AASS: variants seen among roughly 807,000 people sequenced by gnomAD.
The protein encoded by AASS is aminoadipate-semialdehyde synthase.
Under a neutral mutation model 105.4 loss-of-function variants are expected in AASS, and 86 were observed. That is an observed-to-expected ratio of 0.82 (90% CI 0.69 to 0.98). The LOEUF is 0.98. Among genes scored for constraint, AASS ranks in the 50% least tolerant of loss-of-function variants. AASS has a pLI of 0.00. For synonymous variants in AASS, 381 were observed against 394.8 expected (o/e 0.96, Z 0.41); for missense variants, 1,048 against 1,143.2 (o/e 0.92, Z 1.20).
Position 122,133,530 on chromosome 7 carries a change from G to T in AASS, c.197C>A (p.Ala66Asp), listed in dbSNP as rs750935785. The T allele has an allele frequency of 6.2e-7, 1 of 1,614,058 alleles. No homozygotes were observed. Among genetic ancestry groups the T allele is most frequent in the South Asian group, 1.1e-5 (1 of 91,076 alleles). The change falls in exon 2 of 24, where the codon GCC becomes GAC. Residue 66 changes from alanine (A) to aspartate (D), a missense_variant. Coordinates refer to ENST00000417368, the MANE Select transcript of AASS (RefSeq NM_005763.4). ...KVLIQPSNRR[A>D]IHDKDYVKAG... ...GGAAATACTCACCTTATCATGAATG[G>T]CCCGCCGATTCGAAGGCTGTATCAA...
intron 18 of AASS, among the ~76,000 whole-genome samples, chr7:122,086,484 C>A (rs1793631138): frequency 6.7e-6 from 1 of 150,180 alleles, no homozygotes; most frequent in African/African-American, 2.5e-5. Context: ...CTAGAGTTTG[C>A]CTTTTTAAAA....
chr7:122,123,622 T>G (rs1795530844), intron 4 of AASS, among the ~76,000 whole-genome samples: 1 of 152,322 alleles, frequency 6.6e-6, no homozygotes, highest in East Asian at 1.9e-4. Context: ...TTCAGATTCT[T>G]GGTCACATCC....
intron 19 of AASS, chr7:122,082,716 A>T: frequency 1.3e-6 from 1 of 785,222 alleles, no homozygotes; most frequent in Non-Finnish European, 1.9e-6. Context: ...AAACTGTAGT[A>T]GAGTATTATA....
intron 11 of AASS, among the ~76,000 whole-genome samples, chr7:122,112,212 C>G (rs1400584094): frequency 6.6e-6 from 1 of 152,166 alleles, no homozygotes; most frequent in Non-Finnish European, 1.5e-5. Flanking sequence ...TTACCTAATA[C>G]GGTTTTCATG....
At chr7:122,084,092 G>A (rs1010432744) in intron 19 of AASS, among the ~76,000 whole-genome samples, 47 of 150,948 alleles carry the variant, frequency 3.1e-4, no homozygotes, top group African/African-American at 1.1e-3. Flanking sequence ...CTAACTGCTG[G>A]CCAAAAAAAA....
intron 1 of AASS, among the ~76,000 whole-genome samples, chr7:122,136,249 G>C (rs960269070): frequency 2.6e-5 from 4 of 152,100 alleles, no homozygotes; most frequent in African/African-American, 9.7e-5. Flanking sequence ...ACATTTCCTG[G>C]GGGCAAACAA....
At chr7:122,098,303 C>T in intron 15 of AASS, 147 bp downstream of exon 15, 1 of 773,926 alleles carries the variant, frequency 1.3e-6, no homozygotes, top group Non-Finnish European at 2.1e-6. Context: ...GAGCTATATA[C>T]TTATGATTTG....
intron 1 of AASS, among the ~76,000 whole-genome samples, chr7:122,143,798 T>TC (rs1042759571): frequency 4.0e-5 from 6 of 151,808 alleles, no homozygotes; most frequent in African/African-American, 1.5e-4. Context: ...AGTTCTTTAT[T>TC]CCCCAGCCAC....
At chr7:122,083,177 T>C (rs756004116) in intron 19 of AASS, among the ~76,000 whole-genome samples, 13 of 152,178 alleles carry the variant, frequency 8.5e-5, no homozygotes, top group Non-Finnish European at 1.8e-4. Context: ...TTCCCATTTC[T>C]AAAGGTTATA....
chr7:122,140,349 G>C (rs1242785572), intron 1 of AASS, among the ~76,000 whole-genome samples: 1 of 151,696 alleles, frequency 6.6e-6, no homozygotes, highest in East Asian at 1.9e-4. Context: ...GCCAGGGTCG[G>C]TGGCGGGCGC....
chr7:122,133,287 T>A (rs1202351992), intron 2 of AASS, among the ~76,000 whole-genome samples: 1 of 152,100 alleles, frequency 6.6e-6, no homozygotes, highest in Admixed American at 6.5e-5. Context: ...ATCCCCCTAG[T>A]CCCAGAACCA....
At chr7:122,111,796 G>A (rs1046585648) in intron 11 of AASS, among the ~76,000 whole-genome samples, 4 of 152,060 alleles carry the variant, frequency 2.6e-5, no homozygotes, top group Non-Finnish European at 2.9e-5. Flanking sequence ...CTGGCTACTC[G>A]GGAGGCTGAG....
rs1793855763 is a variant in AASS, at chr7:122,090,700, T to C, written c.2016+1003A>G. 2.0e-5 allele frequency among the ~76,000 whole-genome samples: 3 copies of C among 152,288 alleles called. 1 individual carries two copies. The highest frequency in any genetic ancestry group is 1.5e-5 in the Non-Finnish European group (1 of 68,028). On this transcript the variant is annotated intron_variant, in intron 18 of 23. Transcript: ENST00000417368. ...TCAAAGAGGCACTCTGAGTCTCGTTTCATTTTTCTCCAAACTATGAGCATA... is the reference window on the plus strand; with the variant it reads ...TCAAAGAGGCACTCTGAGTCTCGTTCCATTTTTCTCCAAACTATGAGCATA...
intron 8 of AASS, among the ~76,000 whole-genome samples, chr7:122,115,557 T>A (rs1795125954): frequency 6.6e-6 from 1 of 152,036 alleles, no homozygotes; most frequent in Non-Finnish European, 1.5e-5. Flanking sequence ...AGCTCTAATA[T>A]CAGTAGGGTA....
At chr7:122,079,572 T>C (rs553893831) in intron 21 of AASS, 25 bp downstream of exon 21, 2 of 1,515,888 alleles carry the variant, frequency 1.3e-6, no homozygotes, top group East Asian at 2.3e-5. Flanking sequence ...TATATTTTGC[T>C]CTAAGTTGAG....
chr7:122,078,320 A>G (rs554420557), intron 22 of AASS, among the ~76,000 whole-genome samples: 3 of 152,244 alleles, frequency 2.0e-5, no homozygotes, highest in Admixed American at 6.5e-5. Context: ...ATGCATTAAA[A>G]AAAAAAAGTA....
At chr7:122,110,785 T>A (rs561461422) in intron 11 of AASS, among the ~76,000 whole-genome samples, 70 of 151,786 alleles carry the variant, frequency 4.6e-4, no homozygotes, top group Admixed American at 1.1e-3. Context: ...TATATATATA[T>A]CTCCACAACC....
At chr7:122,083,414 G>C (rs1196161201) in intron 19 of AASS, among the ~76,000 whole-genome samples, 1 of 152,066 alleles carries the variant, frequency 6.6e-6, no homozygotes. Flanking sequence ...CCCTAGAAAT[G>C]AATTTATTTT....
chr7:122,097,012 T>C (rs940223230), intron 15 of AASS, among the ~76,000 whole-genome samples: 1 of 152,138 alleles, frequency 6.6e-6, no homozygotes, highest in African/African-American at 2.4e-5. Flanking sequence ...AGAGGTTCAG[T>C]TGGTCATTAG....
Sources: allele counts gnomAD v4.1 joint callset (sites outside exome capture counted in the v4.1 genomes callset), GRCh38; gene constraint gnomAD v4.1.1; transcripts MANE v1.5; gene names NCBI Gene and HGNC (gene_info 2026-07-23, HGNC 2026-07-21).